The following PLCL1 variants were observed in gnomAD, a reference collection of about 807,000 sequenced individuals.
PLCL1 encodes phospholipase C like 1 (inactive).
Under a neutral mutation model 84.4 loss-of-function variants are expected in PLCL1, and 41 were observed. That is an observed-to-expected ratio of 0.49 (90% confidence interval 0.38 to 0.63). The LOEUF is 0.63. Among genes scored for constraint, PLCL1 ranks in the 30% least tolerant of loss-of-function variants. The pLI, the probability that PLCL1 is intolerant of heterozygous loss-of-function variation, is 0.00. For missense variants in PLCL1, 1,206 were observed against 1,367.8 expected, an observed-to-expected ratio of 0.88 and a Z score of 1.87; for synonymous variants, 490 against 488.3, an observed-to-expected ratio of 1.00 and a Z score of -0.05.
chr2:197,942,564 G>T (rs1488539436), intron 1 of PLCL1, among the ~76,000 whole-genome samples: 1 of 152,158 alleles, frequency 6.6e-6, no homozygotes, highest in East Asian at 1.9e-4. Flanking sequence ...GAAATAAAAA[G>T]TATGACGAGA....
chr2:198,066,350 A>G (rs1184020481), intron 1 of PLCL1, among the ~76,000 whole-genome samples: 1 of 152,112 alleles, frequency 6.6e-6, no homozygotes, highest in African/African-American at 2.4e-5. Flanking sequence ...TGTTCCTTCT[A>G]TAGACTTCTC....
At chr2:198,103,638 T>G (rs1574314563) in intron 4 of PLCL1, among the ~76,000 whole-genome samples, 189 bp from the exon 5 acceptor site, 1 of 152,140 alleles carries the variant, frequency 6.6e-6, no homozygotes, top group South Asian at 2.1e-4. Flanking sequence ...CATTGACTGT[T>G]GTCAATTTGT....
At chr2:198,033,337 A>G (rs1160982420) in intron 1 of PLCL1, among the ~76,000 whole-genome samples, 1 of 152,200 alleles carries the variant, frequency 6.6e-6, no homozygotes, top group East Asian at 1.9e-4. Context: ...CCCTTATTGC[A>G]GGGAGAGCCA....
chr2:197,842,836 G>T (rs1559022087), intron 1 of PLCL1, among the ~76,000 whole-genome samples: 1 of 152,140 alleles, frequency 6.6e-6, no homozygotes, highest in South Asian at 2.1e-4. Context: ...CCTTGATGGA[G>T]AAAGTTATAA....
chr2:197,946,615 A>G (rs1375889130), intron 1 of PLCL1, among the ~76,000 whole-genome samples: 1 of 152,272 alleles, frequency 6.6e-6, no homozygotes, highest in East Asian at 1.9e-4. Flanking sequence ...GGGAGAATAT[A>G]CTCTGGGGGC....
At chr2:197,857,910 A>G (rs1374722575) in intron 1 of PLCL1, among the ~76,000 whole-genome samples, 1 of 152,128 alleles carries the variant, frequency 6.6e-6, no homozygotes, top group African/African-American at 2.4e-5. Flanking sequence ...CTTGAAAAAA[A>G]AGGAAGCCAA....
At position 197,919,408 on chromosome 2, in the gene PLCL1, A is replaced by C. The variant is rs553246525; in HGVS notation, c.240+114069A>C. On this transcript the variant is annotated intron_variant, in intron 1 of 5. Coordinates refer to ENST00000428675, the MANE Select transcript of PLCL1 (RefSeq NM_006226.4). ...CAGGGCATTTACCCACATGTCGTTT[A>C]CTATCATGATGTTTTAACATAACTA... Among the ~76,000 whole-genome samples, 10 of 152,350 alleles carry C rather than the reference A, an allele frequency of 6.6e-5. No individual in the cohort carries two copies. The South Asian group carries it at 1.9e-3, about 28-fold the overall frequency.
chr2:197,886,411 C>CAAAAAAAAAAAAAAAAAAAAAAAAAAAA (rs61183744), intron 1 of PLCL1, among the ~76,000 whole-genome samples: 5 of 77,110 alleles, frequency 6.5e-5, no homozygotes, highest in Non-Finnish European at 1.1e-4. Flanking sequence ...GACTCTGTCT[C>CAAAAAAAAAAAAAAAAAAAAAAAAAAAA]AAAAAAAAAA....
intron 1 of PLCL1, among the ~76,000 whole-genome samples, chr2:197,893,324 A>T (rs1311838983): frequency 6.6e-6 from 1 of 152,236 alleles, no homozygotes; most frequent in African/African-American, 2.4e-5. Flanking sequence ...AAGAATACTT[A>T]AAAAACCAGT....
At chr2:197,994,251 G>A (rs1690410935) in intron 1 of PLCL1, among the ~76,000 whole-genome samples, 1 of 152,170 alleles carries the variant, frequency 6.6e-6, no homozygotes, top group Non-Finnish European at 1.5e-5. Flanking sequence ...GAGATGAGGA[G>A]AAGGGTAAAA....
chr2:198,146,934 A>G lies in PLCL1; in HGVS notation c.3260A>G (p.Glu1087Gly), dbSNP rs1272045557. 1 of 1,611,462 alleles carries G rather than the reference A, an allele frequency of 6.2e-7. No individual in the cohort carries two copies. The highest frequency in any genetic ancestry group is 2.2e-5 in the East Asian group (1 of 44,804). ...AGCCTGGAAGCCATAGAGGAGAAGG[A>G]AAGTAGTGAGGAGAATGGGAAGCTG... Reference protein sequence around the residue: ...KRSLEAIEEKESSEENGKL With the variant: ...KRSLEAIEEKGSSEENGKL Residue 1087 changes from glutamate to glycine, a missense_variant, in exon 6 of 6, where the codon GAA (glutamate) becomes GGA (glycine). Transcript: ENST00000428675.
intron 1 of PLCL1, among the ~76,000 whole-genome samples, chr2:197,923,706 C>T (rs1251602193): frequency 4.1e-5 from 6 of 147,246 alleles, no homozygotes; most frequent in Admixed American, 4.0e-4. Context: ...TCCTCACATC[C>T]CAGACGATGG....
At chr2:197,869,040 G>T (rs929823818) in intron 1 of PLCL1, among the ~76,000 whole-genome samples, 1 of 152,076 alleles carries the variant, frequency 6.6e-6, no homozygotes, top group Admixed American at 6.5e-5. Context: ...CCTGTTATAC[G>T]CTGAGCAATG....
At chr2:197,948,494 G>A (rs932723834) in intron 1 of PLCL1, among the ~76,000 whole-genome samples, 6 of 151,944 alleles carry the variant, frequency 3.9e-5, no homozygotes. Context: ...AAACTTTCCT[G>A]TAATGTGTGG....
chr2:198,082,007 C>T (rs1000561156), intron 1 of PLCL1, among the ~76,000 whole-genome samples: 22 of 152,178 alleles, frequency 1.4e-4, no homozygotes, highest in Non-Finnish European at 2.4e-4. Flanking sequence ...CTGAAATGTT[C>T]GGAAGTCAGG....
chr2:197,902,630 T>C (rs889032044), intron 1 of PLCL1, among the ~76,000 whole-genome samples: 25 of 152,240 alleles, frequency 1.6e-4, no homozygotes, highest in Admixed American at 1.4e-3. Flanking sequence ...CATACTGGTA[T>C]GAAGAACAGG....
chr2:197,949,204 CAGAATTTGTTTTTGG>C (rs1574964237), intron 1 of PLCL1, among the ~76,000 whole-genome samples: 1 of 152,204 alleles, frequency 6.6e-6, no homozygotes, highest in African/African-American at 2.4e-5. Flanking sequence ...AACCAGAAGT[CAGAATTTGTTTTTGG>C]AGAATTTGTT....
intron 1 of PLCL1, among the ~76,000 whole-genome samples, chr2:197,936,131 A>ACCCCCCCC (rs60500144): frequency 7.5e-6 from 1 of 134,088 alleles, no homozygotes; most frequent in Admixed American, 7.6e-5. Flanking sequence ...TATATTAAAC[A>ACCCCCCCC]CCCCCCCCCT....
At chr2:197,825,985 C>CTACTAATGAAAAGTCGG (rs1690920340) in intron 1 of PLCL1, among the ~76,000 whole-genome samples, 1 of 152,160 alleles carries the variant, frequency 6.6e-6, no homozygotes. Context: ...TGTCCATTGG[C>CTACTAATGAAAAGTCGG]TACTAATGAA....
Sources: allele counts gnomAD v4.1 joint callset (sites outside exome capture counted in the v4.1 genomes callset), GRCh38; gene constraint gnomAD v4.1.1; transcripts MANE v1.5; gene names NCBI Gene and HGNC (gene_info 2026-07-23, HGNC 2026-07-21).